Variants in FAM135B observed in about 807,000 individuals in gnomAD.
FAM135B encodes protein FAM135B.
Under a neutral mutation model 127.7 loss-of-function variants are expected in FAM135B, and 43 were observed. The ratio of observed to expected loss-of-function variants is 0.34; its 90% CI spans 0.26 to 0.43. FAM135B has a LOEUF of 0.43. Ranked by LOEUF, FAM135B falls within the 20% of genes least tolerant of loss-of-function variation. The pLI, the probability that FAM135B is intolerant of heterozygous loss-of-function variation, is 1.00. For synonymous variants in FAM135B, 670 were observed against 665.1 expected (o/e 1.01, Z -0.11); for missense variants, 1,558 against 1,725.6 (o/e 0.90, Z 1.72).
Position 138,151,381 on chromosome 8 carries a change from T to G in FAM135B, c.3094A>C (p.Asn1032His), listed in dbSNP as rs1232016185. ...GTGGCAGTGCAAGACACAGATAAGT[T>G]CACAACCTCCACAGCCTTCAGGCTG... is the stretch of plus-strand genomic sequence containing the variant. ...LDSLKAVEVV[N>H]LSVSCTATCL... The change falls in exon 13 of 20, where the codon AAC becomes CAC. Residue 1032 changes from asparagine to histidine, a missense_variant. Physicochemically the swap from Asn to His is moderately conservative, Grantham distance 68 (BLOSUM62 1). This residue lies in a region of FAM135B where 923 missense variants were observed against 865.3 expected (regional missense o/e 1.07). Coordinates refer to ENST00000395297, the MANE Select transcript of FAM135B (RefSeq NM_015912.4). 1.2e-6 allele frequency: 2 copies of G among 1,613,568 alleles called. No homozygotes were observed. Among genetic ancestry groups the G allele is most frequent in the Non-Finnish European group, 1.7e-6 (2 of 1,179,840 alleles).
intron 1 of FAM135B, among the ~76,000 whole-genome samples, chr8:138,428,178 A>C (rs1835003282): frequency 6.6e-6 from 1 of 152,186 alleles, no homozygotes; most frequent in African/African-American, 2.4e-5. Context: ...AATAAAATAA[A>C]CTAACAGTAA....
chr8:138,132,854 AG>A lies in FAM135B; in HGVS notation c.4016-57del. On this transcript the variant is annotated intron_variant, in intron 19 of 19. Coordinates refer to ENST00000395297, the MANE Select transcript of FAM135B (RefSeq NM_015912.4). This position sits in a 1 kb window ranked among gnomAD's most constrained non-coding sequence, Gnocchi z 4.5. ...GGTGCAGAAATTAGCAGTGGAATCTAGAGAACATCACTAGATGTGTGTCGAA... is the reference window on the plus strand; with the variant it reads ...GGTGCAGAAATTAGCAGTGGAATCTAAGAACATCACTAGATGTGTGTCGAA... 1 of 1,511,078 alleles carries A rather than the reference AG, an allele frequency of 6.6e-7. No individual in the cohort carries two copies. The highest frequency in any genetic ancestry group is 9.2e-7 in the Non-Finnish European group (1 of 1,087,920). The allele number at this position is 1,511,078 out of a possible 1,614,324, so 93.6% of individuals were successfully genotyped here. A position where few individuals can be genotyped will look rare whatever the true frequency, so the allele number is the denominator to read the frequency against.
At chr8:138,159,342 T>C (rs189711546) in intron 12 of FAM135B, among the ~76,000 whole-genome samples, 180 of 148,862 alleles carry the variant, frequency 1.2e-3, no homozygotes, top group African/African-American at 4.0e-3. Flanking sequence ...TAGGAAAGAC[T>C]TGGAACCAAC....
chr8:138,159,278 CAAA>C (rs1441016128), intron 12 of FAM135B, among the ~76,000 whole-genome samples: 2 of 31,646 alleles, frequency 6.3e-5, no homozygotes, highest in African/African-American at 1.1e-4. Context: ...GACTCCGTCT[CAAA>C]AAAAAAAAAA....
At chr8:138,487,231 G>A (rs971957632) in intron 1 of FAM135B, among the ~76,000 whole-genome samples, 8 of 152,148 alleles carry the variant, frequency 5.3e-5, no homozygotes, top group African/African-American at 1.9e-4. Flanking sequence ...ACTTTGTGAA[G>A]TCCATGCAGG....
intron 1 of FAM135B, among the ~76,000 whole-genome samples, chr8:138,386,540 T>C (rs1832229272): frequency 6.6e-6 from 1 of 152,172 alleles, no homozygotes; most frequent in African/African-American, 2.4e-5. Context: ...CCCAACAGCA[T>C]TAGGGATTCT....
intron 1 of FAM135B, among the ~76,000 whole-genome samples, chr8:138,481,454 T>C (rs1369942506): frequency 6.6e-6 from 1 of 152,254 alleles, no homozygotes; most frequent in African/African-American, 2.4e-5. Flanking sequence ...AGCTTGCATA[T>C]TACAGCTGAG....
chr8:138,402,959 G>T (rs891123869), intron 1 of FAM135B, among the ~76,000 whole-genome samples: 1 of 152,082 alleles, frequency 6.6e-6, no homozygotes, highest in Non-Finnish European at 1.5e-5. Context: ...TGAAAGAGAT[G>T]ATCTTTCTCT....
chr8:138,416,271 T>C (rs1357628725), intron 1 of FAM135B, among the ~76,000 whole-genome samples: 1 of 152,212 alleles, frequency 6.6e-6, no homozygotes, highest in African/African-American at 2.4e-5. Flanking sequence ...AGCCACTTAC[T>C]AGTTACATGA....
At chr8:138,442,479 G>A (rs923795077) in intron 1 of FAM135B, among the ~76,000 whole-genome samples, 5 of 151,718 alleles carry the variant, frequency 3.3e-5, no homozygotes, top group Non-Finnish European at 5.9e-5. Context: ...AATGTCAAGT[G>A]ATAGGATGTA....
chr8:138,366,284 C>G (rs1309096010), intron 2 of FAM135B, among the ~76,000 whole-genome samples: 1 of 152,100 alleles, frequency 6.6e-6, no homozygotes, highest in Non-Finnish European at 1.5e-5. Context: ...TGATGGAAAC[C>G]TGACATTATC....
chr8:138,322,266 G>T (rs1259708903), intron 2 of FAM135B, among the ~76,000 whole-genome samples: 1 of 152,162 alleles, frequency 6.6e-6, no homozygotes, highest in Non-Finnish European at 1.5e-5. Context: ...ACTCAAAACA[G>T]CTCCTCTGCC....
intron 7 of FAM135B, among the ~76,000 whole-genome samples, chr8:138,233,830 A>T (rs1820075099): frequency 6.9e-6 from 1 of 144,480 alleles, no homozygotes; most frequent in Non-Finnish European, 1.6e-5. Flanking sequence ...CAACAACAAC[A>T]AATAAATAAA....
At position 138,132,608 on chromosome 8, in the gene FAM135B, G is replaced by C. The variant is rs765467195; in HGVS notation, c.4206C>G (p.Leu1402=). 55 of 1,613,940 alleles carry C rather than the reference G, an allele frequency of 3.4e-5. No homozygotes were observed. Among genetic ancestry groups the C allele is most frequent in the Non-Finnish European group, 4.0e-5 (47 of 1,179,944 alleles). Residue 1402 remains leucine, a synonymous_variant, in exon 20 of 20, where the codon CTC becomes CTG. Coordinates refer to ENST00000395297, the MANE Select transcript of FAM135B (RefSeq NM_015912.4). The surrounding 1 kb of genome is among the most constrained non-coding windows in gnomAD (Gnocchi z 4.5). ...CTCAAAGCCACTACTTGAAGTAGTT[G>C]AGTCCTGCCACCAAGAAAAACTTCT... ...FLEKFFLVAG[L]NYFK
At position 138,132,163 on chromosome 8, in the gene FAM135B, G is replaced by C. The variant is rs1240581713; in HGVS notation, c.*430C>G. On this transcript the variant is annotated 3_prime_UTR_variant, in exon 20 of 20. Transcript: ENST00000395297. This position sits in a 1 kb window ranked among gnomAD's most constrained non-coding sequence, Gnocchi z 4.5. ...CACAAATATGTTCCACTGCTGCACA[G>C]AGATTAACCTGAGTTCTGAAATGCT... The C allele has an allele frequency of 5.5e-6, 1 of 180,934 alleles. No homozygotes were observed. Among genetic ancestry groups the C allele is most frequent in the Non-Finnish European group, 1.2e-5 (1 of 85,540 alleles). 11.2% of individuals were successfully genotyped at this position (180,934 alleles called of 1,614,324 possible).
intron 1 of FAM135B, among the ~76,000 whole-genome samples, chr8:138,406,255 T>G (rs938348732): frequency 6.6e-6 from 1 of 152,072 alleles, no homozygotes; most frequent in African/African-American, 2.4e-5. Flanking sequence ...TCTGAAATTG[T>G]GGCAATAATC....
intron 2 of FAM135B, among the ~76,000 whole-genome samples, chr8:138,331,932 C>T (rs1483679565): frequency 1.3e-5 from 2 of 152,132 alleles, no homozygotes; most frequent in African/African-American, 4.8e-5. Flanking sequence ...CCCAGAACCA[C>T]CCCTAACACC....
At chr8:138,405,671 C>A (rs1449881506) in intron 1 of FAM135B, among the ~76,000 whole-genome samples, 1 of 152,160 alleles carries the variant, frequency 6.6e-6, no homozygotes, top group East Asian at 1.9e-4. Context: ...CCACAATAAA[C>A]ATACGTGTGT....
chr8:138,226,775 T>C (rs536613203), intron 7 of FAM135B, among the ~76,000 whole-genome samples: 22 of 152,310 alleles, frequency 1.4e-4, no homozygotes, highest in Admixed American at 1.0e-3. Flanking sequence ...TTGGCCAGGC[T>C]AGTCTCAAAC....
Sources: gnomAD v4.1 joint callset for allele counts (sites outside exome capture counted in the v4.1 genomes callset) on GRCh38, gnomAD v4.1.1 for gene constraint, gnomAD v4.1.1 regional missense constraint, Gnocchi (gnomAD v3.1) non-coding constraint, MANE v1.5 for transcripts, NCBI Gene and HGNC (gene_info 2026-07-23, HGNC 2026-07-21) for gene names.